STYXL1: variants seen among roughly 807,000 people sequenced by gnomAD.
The protein encoded by STYXL1 is serine/threonine/tyrosine interacting like 1, also known as serine/threonine/tyrosine-interacting-like protein 1.
A neutral mutation model predicts 36.4 loss-of-function variants in STYXL1; 32 were observed. The ratio of observed to expected loss-of-function variants is 0.88; its 90% CI spans 0.66 to 1.18. The LOEUF (loss-of-function observed/expected upper bound fraction) is 1.18. Ranked by LOEUF, STYXL1 falls within the 50% of genes most tolerant of loss-of-function variation. The pLI is 0.00. For synonymous variants in STYXL1, 133 were observed against 144.1 expected, an observed-to-expected ratio of 0.92 and a Z score of 0.55; for missense variants, 354 against 394.1, an observed-to-expected ratio of 0.90 and a Z score of 0.86.
At chr7:76,031,711 T>C (rs1381646302) in intron 1 of STYXL1, among the ~76,000 whole-genome samples, 1 of 101,004 alleles carries the variant, frequency 9.9e-6, no homozygotes, top group Non-Finnish European at 2.2e-5. Context: ...TAAGACTCCA[T>C]CTCAAAAAAA....
intron 1 of STYXL1, among the ~76,000 whole-genome samples, chr7:76,042,447 C>G (rs1339741193): frequency 8.6e-6 from 1 of 116,838 alleles, no homozygotes; most frequent in Admixed American, 1.2e-4. Context: ...TTCTGTCACC[C>G]AGGCTGGAGT....
chr7:76,029,398 C>T (rs1444496540), intron 2 of STYXL1, among the ~76,000 whole-genome samples: 7 of 152,194 alleles, frequency 4.6e-5, no homozygotes, highest in Middle Eastern at 3.4e-3. Context: ...CCGCCCACCT[C>T]GGCCTCCCAA....
At chr7:76,024,565 T>A (rs989538781) in intron 3 of STYXL1, among the ~76,000 whole-genome samples, 2 of 152,016 alleles carry the variant, frequency 1.3e-5, no homozygotes. Flanking sequence ...TGCAGTGAGC[T>A]GTGATGGTGC....
intron 7 of STYXL1, among the ~76,000 whole-genome samples, chr7:76,002,976 C>A (rs1563461692): frequency 6.6e-6 from 1 of 152,180 alleles, no homozygotes; most frequent in Non-Finnish European, 1.5e-5. Context: ...CATGCTCCAG[C>A]CCCTGGTACA....
At chr7:76,003,992 ACCTCTCCTGG>A in intron 6 of STYXL1, 137 bp from the exon 7 acceptor site, 2 of 694,906 alleles carry the variant, frequency 2.9e-6, no homozygotes, top group South Asian at 1.8e-5. Context: ...AGGTAACTCA[ACCTCTCCTGG>A]AAAAAAACAT....
At chr7:76,000,218 C>CA (rs35153306) in intron 8 of STYXL1, among the ~76,000 whole-genome samples, 5,647 of 67,644 alleles carry the variant, frequency 0.083, 302 homozygotes, top group Non-Finnish European at 0.13. Context: ...GACTCCATCT[C>CA]AAAAAAAAAA....
At chr7:76,018,021 G>C (rs905165822) in intron 4 of STYXL1, among the ~76,000 whole-genome samples, 10 of 151,742 alleles carry the variant, frequency 6.6e-5, no homozygotes, top group African/African-American at 2.2e-4. Flanking sequence ...ATCAATTTTA[G>C]AATGTTTTCT....
Position 76,030,544 on chromosome 7 carries a change from A to G in STYXL1, c.-4-17T>C, listed in dbSNP as rs1554578984. ...GGCATCCTGCTGGGAAGAATCAATA[A>G]CACACAAGGGTAACATAACTCTATT... On this transcript the variant is annotated splice_polypyrimidine_tract_variant and intron_variant, in intron 1 of 8. Coordinates refer to ENST00000359697, the MANE Select transcript of STYXL1 (RefSeq NM_001317785.2). 6.8e-7 allele frequency: 1 copy of G among 1,473,780 alleles called. No individual in the cohort carries two copies. Among genetic ancestry groups the G allele is most frequent in the South Asian group, 1.1e-5 (1 of 88,458 alleles). The allele number at this position is 1,473,780 out of a possible 1,614,324, so 91.3% of individuals were successfully genotyped here.
Position 76,008,328 on chromosome 7 carries a change from C to A in STYXL1, c.454-2924G>T, listed in dbSNP as rs547411941. ...GAGACCACTTTCTCCATTATTACACCACAGAAAATGCTGACCTTTGCCAAA... is the reference window on the plus strand; with the variant it reads ...GAGACCACTTTCTCCATTATTACACAACAGAAAATGCTGACCTTTGCCAAA... On this transcript the variant is annotated intron_variant, in intron 5 of 8. Transcript: ENST00000359697. 1.1e-3 allele frequency among the ~76,000 whole-genome samples: 159 copies of A among 151,390 alleles called. 1 individual carries two copies. The highest frequency in any genetic ancestry group is 2.5e-4 in the Non-Finnish European group (17 of 67,922).
At chr7:76,039,933 C>A (rs1796323865) in intron 1 of STYXL1, among the ~76,000 whole-genome samples, 1 of 152,194 alleles carries the variant, frequency 6.6e-6, no homozygotes, top group Admixed American at 6.5e-5. Context: ...AGGCATTAGC[C>A]ACGGCGCCTG....
chr7:76,034,747 C>CT (rs1321552065), intron 1 of STYXL1, among the ~76,000 whole-genome samples: 1 of 152,202 alleles, frequency 6.6e-6, no homozygotes, highest in African/African-American at 2.4e-5. Flanking sequence ...AACTGTACCT[C>CT]TTCCCATCAC....
At chr7:76,004,768 A>G (rs915806221) in intron 6 of STYXL1, among the ~76,000 whole-genome samples, 17 of 152,114 alleles carry the variant, frequency 1.1e-4, no homozygotes, top group African/African-American at 3.4e-4. Context: ...TTGGGAGGCC[A>G]AGGCGGGATG....
chr7:76,014,619 CTGAGATTACAGGTG>C (rs1585230521), intron 4 of STYXL1, among the ~76,000 whole-genome samples: 1 of 152,164 alleles, frequency 6.6e-6, no homozygotes, highest in East Asian at 1.9e-4. Context: ...TCCCAGAGTG[CTGAGATTACAGGTG>C]TGCTCAGCCT....
At chr7:76,028,604 T>G in intron 3 of STYXL1, 38 bp downstream of exon 3, 1 of 1,604,944 alleles carries the variant, frequency 6.2e-7, no homozygotes. Context: ...CACTGCAAGG[T>G]AGCCAGCCTG....
Position 76,028,648 on chromosome 7 carries a change from C to T in STYXL1, c.159G>A (p.Val53=), listed in dbSNP as rs377335471. 1.3e-5 allele frequency: 21 copies of T among 1,614,072 alleles called. No individual in the cohort carries two copies. In the African/African-American group the frequency reaches 2.7e-4, roughly 20 times the overall value. The part of the protein sequence containing the change: ...DESHVITALR[V]KKKNNEYLLP... ...CCTGACGCTGCCCATGTACCTTCTT[C>T]ACTCGAAGGGCAGTGATCACATGGC... The change falls in exon 3 of 9, where the codon GTG becomes GTA. Residue 53 remains valine, a synonymous_variant. Coordinates refer to ENST00000359697, the MANE Select transcript of STYXL1 (RefSeq NM_001317785.2).
At chr7:75,999,307 C>A (rs1309722309) in intron 8 of STYXL1, among the ~76,000 whole-genome samples, 3 of 152,026 alleles carry the variant, frequency 2.0e-5, no homozygotes, top group African/African-American at 7.2e-5. Context: ...CTAGAGTAGT[C>A]AAATTCACAG....
intron 4 of STYXL1, among the ~76,000 whole-genome samples, chr7:76,018,849 T>G (rs1359808639): frequency 6.6e-6 from 1 of 152,242 alleles, no homozygotes; most frequent in African/African-American, 2.4e-5. Flanking sequence ...TTGGTGTGGA[T>G]GTGTTTTCAT....
chr7:76,001,874 G>A (rs983429818), intron 7 of STYXL1, among the ~76,000 whole-genome samples: 7 of 143,860 alleles, frequency 4.9e-5, no homozygotes, highest in South Asian at 2.2e-4. Context: ...TCCTGACCTC[G>A]GGTGATCTGC....
chr7:76,017,109 C>A (rs1006993973), intron 4 of STYXL1, among the ~76,000 whole-genome samples: 1 of 152,108 alleles, frequency 6.6e-6, no homozygotes, highest in Non-Finnish European at 1.5e-5. Flanking sequence ...GCAACCTCCA[C>A]CTCCCTGGGT....
Sources: allele counts gnomAD v4.1 joint callset (sites outside exome capture counted in the v4.1 genomes callset), GRCh38; gene constraint gnomAD v4.1.1; transcripts MANE v1.5; gene names NCBI Gene and HGNC (gene_info 2026-07-23, HGNC 2026-07-21).